ACTL8: variants seen among roughly 807,000 people sequenced by gnomAD.
ACTL8 encodes the protein actin like 8, also known as actin-like protein 8.
In ACTL8, 3 loss-of-function variants were observed where a neutral mutation model predicts 9.3. That is an observed-to-expected ratio of 0.32 (90% CI 0.15 to 0.83). The LOEUF (loss-of-function observed/expected upper bound fraction) is 0.83. Ranked by LOEUF, ACTL8 falls within the 40% of genes least tolerant of loss-of-function variation. The pLI is 0.57. For synonymous variants in ACTL8, 224 were observed against 205.9 expected (o/e 1.09, Z -0.75); for missense variants, 381 against 492.2 (o/e 0.77, Z 2.14).
intron 1 of ACTL8, among the ~76,000 whole-genome samples, chr1:17,780,825 CCAGGGAGCCCT>C (rs1301655617): frequency 1.3e-5 from 2 of 151,998 alleles, no homozygotes; most frequent in Non-Finnish European, 2.9e-5. Context: ...CGGGTAGTGG[CCAGGGAGCCCT>C]GGCCTGGACA....
chr1:17,764,124 A>G (rs1161680927), intron 1 of ACTL8, among the ~76,000 whole-genome samples: 1 of 152,146 alleles, frequency 6.6e-6, no homozygotes, highest in African/African-American at 2.4e-5. Flanking sequence ...ATGGAGGCAG[A>G]AGCCTCTGGC....
At chr1:17,775,408 G>C (rs1290106631) in intron 1 of ACTL8, among the ~76,000 whole-genome samples, 1 of 152,186 alleles carries the variant, frequency 6.6e-6, no homozygotes, top group Admixed American at 6.5e-5. Context: ...TGGCCAGGAA[G>C]CTTATTAACC....
chr1:17,763,509 C>T (rs960194087), intron 1 of ACTL8, among the ~76,000 whole-genome samples: 3 of 152,146 alleles, frequency 2.0e-5, no homozygotes, highest in African/African-American at 7.2e-5. Flanking sequence ...CCCACTTCTG[C>T]GGGACCCTCG....
intron 1 of ACTL8, among the ~76,000 whole-genome samples, chr1:17,814,324 C>T (rs2066410866): frequency 2.6e-5 from 4 of 152,182 alleles, no homozygotes; most frequent in Admixed American, 2.6e-4. Flanking sequence ...GAGCAGACTC[C>T]ATATCTACCA....
At chr1:17,781,861 G>A (rs571555241) in intron 1 of ACTL8, among the ~76,000 whole-genome samples, 1 of 152,128 alleles carries the variant, frequency 6.6e-6, no homozygotes, top group Non-Finnish European at 1.5e-5. Context: ...GCTCCTCCAG[G>A]ACCCATCTCT....
intron 1 of ACTL8, among the ~76,000 whole-genome samples, chr1:17,795,115 C>T (rs191396989): frequency 6.6e-6 from 1 of 152,312 alleles, no homozygotes; most frequent in African/African-American, 2.4e-5. Context: ...AGTCCAGGTA[C>T]GTTAATAGCA....
intron 1 of ACTL8, among the ~76,000 whole-genome samples, chr1:17,765,115 C>T (rs1197881469): frequency 1.3e-5 from 2 of 152,170 alleles, no homozygotes; most frequent in African/African-American, 2.4e-5. Context: ...AGGTGCTGGA[C>T]GCTTCCTTCT....
At chr1:17,781,216 G>A (rs978480965) in intron 1 of ACTL8, among the ~76,000 whole-genome samples, 2 of 150,716 alleles carry the variant, frequency 1.3e-5, no homozygotes, top group African/African-American at 4.9e-5. Context: ...TTCTTAGAAG[G>A]ATATCAGGAA....
At chr1:17,761,906 A>G (rs2066009011) in intron 1 of ACTL8, among the ~76,000 whole-genome samples, 1 of 151,154 alleles carries the variant, frequency 6.6e-6, no homozygotes, top group Non-Finnish European at 1.5e-5. Context: ...TAATGCCTCC[A>G]GCATCTAGGG....
At chr1:17,802,697 T>C (rs897672166) in intron 1 of ACTL8, among the ~76,000 whole-genome samples, 2 of 152,086 alleles carry the variant, frequency 1.3e-5, no homozygotes, top group Non-Finnish European at 2.9e-5. Flanking sequence ...AAACAGTTAG[T>C]GATGGCTGGG....
intron 1 of ACTL8, among the ~76,000 whole-genome samples, chr1:17,771,249 A>G (rs1279062829): frequency 6.6e-6 from 1 of 152,186 alleles, no homozygotes; most frequent in Non-Finnish European, 1.5e-5. Flanking sequence ...AGACACTGAA[A>G]TTTGAATTTC....
At chr1:17,816,579 A>G (rs1256351658) in intron 1 of ACTL8, among the ~76,000 whole-genome samples, 1 of 152,178 alleles carries the variant, frequency 6.6e-6, no homozygotes, top group Non-Finnish European at 1.5e-5. Flanking sequence ...TTAACATCCT[A>G]TGGAGAACAT....
chr1:17,760,161 C>T (rs114218666), intron 1 of ACTL8, among the ~76,000 whole-genome samples: 37 of 152,240 alleles, frequency 2.4e-4, no homozygotes, highest in Middle Eastern at 6.8e-3. Context: ...ATAAATACCT[C>T]GAATGAGGTT....
chr1:17,814,446 A>G (rs930166664), intron 1 of ACTL8, among the ~76,000 whole-genome samples: 1 of 152,208 alleles, frequency 6.6e-6, no homozygotes, highest in Non-Finnish European at 1.5e-5. Flanking sequence ...CAACAAAACA[A>G]TACAATACAT....
intron 2 of ACTL8, 117 bp from the exon 3 acceptor site, chr1:17,825,650 G>A (rs1455306020): frequency 8.2e-6 from 11 of 1,337,232 alleles, no homozygotes; most frequent in African/African-American, 5.8e-5. Flanking sequence ...GGCCCTGGGC[G>A]CAGCATCCTG....
chr1:17,818,469 A>G (rs1311661944), intron 1 of ACTL8, among the ~76,000 whole-genome samples: 1 of 152,232 alleles, frequency 6.6e-6, no homozygotes, highest in Non-Finnish European at 1.5e-5. Context: ...ATCTGCAAGC[A>G]TGATACAGAG....
At chr1:17,797,865 G>A (rs550411813) in intron 1 of ACTL8, among the ~76,000 whole-genome samples, 2 of 152,340 alleles carry the variant, frequency 1.3e-5, no homozygotes, top group East Asian at 3.9e-4. Context: ...GCAAACGGGA[G>A]CCAATGTTCC....
chr1:17,760,672 G>A (rs1477789836), intron 1 of ACTL8, among the ~76,000 whole-genome samples: 6 of 152,144 alleles, frequency 3.9e-5, no homozygotes, highest in East Asian at 1.9e-4. Context: ...ACAGCTGCCC[G>A]TTGCTGTGCA....
At position 17,796,324 on chromosome 1, in the gene ACTL8, G is replaced by GGGTGTGTA. The variant is rs1281515714; in HGVS notation, c.-24-26661_-24-26660insGGTGTGTA. On this transcript the variant is annotated intron_variant, in intron 1 of 2. Transcript: ENST00000375406. ...CGTGCACCTGTGTGTGTGTGTGTGT[G>GGGTGTGTA]TGTGTGTGTGTGTAGGTAAGCACTC... 2.1e-5 allele frequency among the ~76,000 whole-genome samples: 3 copies of GGGTGTGTA among 140,586 alleles called. No individual in the cohort carries two copies. The East Asian group carries it at 6.8e-4, about 32-fold the overall frequency. The allele number at this position is 140,586 out of a possible 152,430, so 92.2% of individuals were successfully genotyped here.
Sources: gnomAD v4.1 joint callset for allele counts (sites outside exome capture counted in the v4.1 genomes callset) on GRCh38, gnomAD v4.1.1 for gene constraint, MANE v1.5 for transcripts, NCBI Gene and HGNC (gene_info 2026-07-23, HGNC 2026-07-21) for gene names.